Variants in TXNDC2 observed in about 807,000 individuals in gnomAD.
TXNDC2 encodes the protein thioredoxin domain-containing protein 2.
TXNDC2 carries 1 observed loss-of-function variant against 0.4 expected under a neutral mutation model. That is an observed-to-expected ratio of 2.30 (90% CI 0.82 to 10.89). The LOEUF (loss-of-function observed/expected upper bound fraction) is 10.89, where lower values mean the gene tolerates loss of function less well. Ranked by LOEUF, TXNDC2 falls within the 30% of genes most tolerant of loss-of-function variation. The probability of loss-of-function intolerance (pLI) is 0.12; values close to 1 mark genes in which losing one functional copy is unlikely to be tolerated. For missense variants in TXNDC2, 509 were observed against 579.8 expected (o/e 0.88, Z 1.25); for synonymous variants, 183 against 224.6 (o/e 0.81, Z 1.66).
chr18:9,886,303 G>C (rs376211706), intron 1 of TXNDC2: 115 of 1,607,076 alleles, frequency 7.2e-5, no homozygotes, highest in Non-Finnish European at 9.6e-5. Context: ...GGAGGAAAGA[G>C]GGTTGCCTTA....
chr18:9,886,283 G>A, intron 1 of TXNDC2: 2 of 1,612,902 alleles, frequency 1.2e-6, no homozygotes, highest in Non-Finnish European at 1.7e-6. Flanking sequence ...TGATGCTAAT[G>A]GTAAGTAGGG....
At position 9,887,139 on chromosome 18, in the gene TXNDC2, G is replaced by C; in HGVS notation, c.459G>C (p.Lys153Asn). The change falls in exon 2 of 2, where the codon AAG becomes AAC. Residue 153 changes from lysine (K) to asparagine (N), a missense_variant. Physicochemically the swap from Lys to Asn is moderately conservative, Grantham distance 94. Transcript: ENST00000357775. ...PKSSAKPIQP[K>N]LGNIAKTSVK... ...CCTCAGCAAAACCCATCCAGCCCAA[G>C]CTGGGCAATATTGCCAAGACCTCAG... 1.3e-6 allele frequency: 2 copies of C among 1,585,478 alleles called. No individual in the cohort carries two copies. Among genetic ancestry groups the C allele is most frequent in the Non-Finnish European group, 1.7e-6 (2 of 1,159,676 alleles).
chr18:9,886,007 G>GC lies in TXNDC2; in HGVS notation c.-164dup, dbSNP rs2068946333. ...GTAGTCCCAGCCTCAGCACAGGGGA[G>GC]CCACCTTGAAGCTCTCAAATATCAC... On this transcript the variant is annotated 5_prime_UTR_variant, in exon 1 of 2. An upstream open reading frame in the 5' UTR loses its in-frame stop. Transcript: ENST00000357775. 6.8e-6 allele frequency: 4 copies of GC among 585,328 alleles called. No individual in the cohort carries two copies. The highest frequency in any genetic ancestry group is 6.0e-5 in the Admixed American group (2 of 33,064). The allele number at this position is 585,328 out of a possible 1,614,324, so 36.3% of individuals were successfully genotyped here.
chr18:9,886,060 A>C lies in TXNDC2; in HGVS notation c.-113A>C, dbSNP rs2068946512. 2.5e-6 allele frequency: 2 copies of C among 811,438 alleles called. No homozygotes were observed. The highest frequency in any genetic ancestry group is 5.2e-5 in the East Asian group (2 of 38,400). 50.3% of individuals were successfully genotyped at this position (811,438 alleles called of 1,614,324 possible). On this transcript the variant is annotated 5_prime_UTR_variant, in exon 1 of 2. Transcript: ENST00000357775. ...TTGTGAATACAGAGAGGGAAAACCA[A>C]CTGTAACGTGCCACCCAAATGTAAG... is the stretch of plus-strand genomic sequence containing the variant.
chr18:9,888,182 A>C lies in TXNDC2; in HGVS notation c.*41A>C. 1 of 1,471,616 alleles carries C rather than the reference A, an allele frequency of 6.8e-7. No homozygotes were observed. The highest frequency in any genetic ancestry group is 9.2e-7 in the Non-Finnish European group (1 of 1,089,106). The allele number at this position is 1,471,616 out of a possible 1,614,324, so 91.2% of individuals were successfully genotyped here. On this transcript the variant is annotated 3_prime_UTR_variant, in exon 2 of 2. Coordinates refer to ENST00000357775, the MANE Select transcript of TXNDC2 (RefSeq NM_032243.6). ...ACATTGCAGACAGTCAGGTGTTTATAGCTTTTGAGTTCTCTTTTATTATTT... is the reference window on the plus strand; with the variant it reads ...ACATTGCAGACAGTCAGGTGTTTATCGCTTTTGAGTTCTCTTTTATTATTT...
rs777137819 is a variant in TXNDC2, at chr18:9,887,238, C to T, written c.558C>T (p.Asp186=). 5 of 1,588,484 alleles carry T rather than the reference C, an allele frequency of 3.1e-6. No homozygotes were observed. The Admixed American group carries it at 8.7e-5, about 28-fold the overall frequency. The change falls in exon 2 of 2, where the codon GAC becomes GAT. Residue 186 remains aspartate (D), a synonymous_variant. Coordinates refer to ENST00000357775, the MANE Select transcript of TXNDC2 (RefSeq NM_032243.6). ...AAACCATCCAGCCCAAGGAGGGTGACATCCCCAAGTCCTCAGCAAAGCCCA... is the reference window on the plus strand; with the variant it reads ...AAACCATCCAGCCCAAGGAGGGTGATATCCCCAAGTCCTCAGCAAAGCCCA... ...PEETIQPKEG[D]IPKSSAKPIQ... is the part of the protein sequence containing the mutation.
Position 9,886,763 on chromosome 18 carries a change from A to G in TXNDC2, c.83A>G (p.Asn28Ser). 1.2e-6 allele frequency: 2 copies of G among 1,614,116 alleles called. No homozygotes were observed. Among genetic ancestry groups the G allele is most frequent in the East Asian group, 2.2e-5 (1 of 44,880 alleles). ...GATGACCTACCCAAGTCCTCAGCAA[A>G]CACCAGCCATCCCAAGCAGGATGAC... ...EGDDLPKSSA[N>S]TSHPKQDDSP... The change falls in exon 2 of 2, where the codon AAC becomes AGC. Residue 28 changes from asparagine (N) to serine (S), a missense_variant. Coordinates refer to ENST00000357775, the MANE Select transcript of TXNDC2 (RefSeq NM_032243.6).
At position 9,886,776 on chromosome 18, in the gene TXNDC2, C is replaced by T. The variant is rs763875852; in HGVS notation, c.96C>T (p.Pro32=). Residue 32 remains proline, a synonymous_variant, in exon 2 of 2, where the codon CCC becomes CCT. Coordinates refer to ENST00000357775, the MANE Select transcript of TXNDC2 (RefSeq NM_032243.6). ...AGTCCTCAGCAAACACCAGCCATCC[C>T]AAGCAGGATGACAGCCCCAAGTCCT... ...LPKSSANTSH[P]KQDDSPKSSE... is the part of the protein sequence containing the mutation. The T allele has an allele frequency of 6.2e-7, 1 of 1,614,122 alleles. No homozygotes were observed. The highest frequency in any genetic ancestry group is 1.7e-5 in the Admixed American group (1 of 60,014).
chr18:9,887,773 G>C lies in TXNDC2; in HGVS notation c.1093G>C (p.Gly365Arg). The C allele has an allele frequency of 6.2e-7, 1 of 1,613,704 alleles. No individual in the cohort carries two copies. Among genetic ancestry groups the C allele is most frequent in the South Asian group, 1.1e-5 (1 of 91,084 alleles). Residue 365 changes from glycine (G) to arginine (R), a missense_variant, in exon 2 of 2, where the codon GGT (glycine) becomes CGT (arginine). By Grantham distance (125) the Gly-to-Arg change is moderately radical (BLOSUM62 -2). Transcript: ENST00000357775. The stretch of plus-strand genomic sequence containing the variant: ...AGAAGAAGCCACCCCATCCAAGGAG[G>C]GTGACATCCTAAAGCCTGAAGAAGA... ...SLEEATPSKEGDILKPEEETM... is the reference protein window; with the variant it reads ...SLEEATPSKERDILKPEEETM...
Position 9,887,548 on chromosome 18 carries a change from G to A in TXNDC2, c.868G>A (p.Gly290Ser), listed in dbSNP as rs559848127. 3.8e-6 allele frequency: 6 copies of A among 1,588,966 alleles called. No individual in the cohort carries two copies. The East Asian group carries it at 9.5e-5, about 25-fold the overall frequency. Reference sequence around the variant, plus strand: ...AGAAGAAACCATCCAGCCCAAGAAGGGTGACATCCCCAAGTCCCCAGAAGA... The same window carrying A: ...AGAAGAAACCATCCAGCCCAAGAAGAGTGACATCCCCAAGTCCCCAGAAGA... ...SPEETIQPKK[G>S]DIPKSPEEAI... is the part of the protein sequence containing the mutation. Residue 290 changes from glycine to serine, a missense_variant, in exon 2 of 2, where the codon GGT (glycine) becomes AGT (serine). Physicochemically the swap from Gly to Ser is moderately conservative, Grantham distance 56. This residue lies in a region of TXNDC2 where 229 missense variants were observed against 243.8 expected (regional missense o/e 0.94). Coordinates refer to ENST00000357775, the MANE Select transcript of TXNDC2 (RefSeq NM_032243.6).
At chr18:9,886,190 G>A in intron 1 of TXNDC2, 110 bp downstream of exon 1, 1 of 1,614,044 alleles carries the variant, frequency 6.2e-7, no homozygotes, top group Middle Eastern at 1.6e-4. Flanking sequence ...TGTAGACAAG[G>A]AACTAGGAAT....
chr18:9,888,096 C>A lies in TXNDC2; in HGVS notation c.1416C>A (p.Gly472=). 1 of 1,613,712 alleles carries A rather than the reference C, an allele frequency of 6.2e-7. No individual in the cohort carries two copies. The highest frequency in any genetic ancestry group is 8.5e-7 in the Non-Finnish European group (1 of 1,179,800). Residue 472 remains glycine, a synonymous_variant, in exon 2 of 2, where the codon GGC becomes GGA. Coordinates refer to ENST00000357775, the MANE Select transcript of TXNDC2 (RefSeq NM_032243.6). The stretch of plus-strand genomic sequence containing the variant: ...AAGAAAAGGTGGATGAACTTTGCGG[C>A]GCCCTTAAGGAAAAACTTGAAGCAG... ...KKEEKVDELC[G]ALKEKLEAVI...
intron 1 of TXNDC2, 178 bp downstream of exon 1, chr18:9,886,258 A>G: frequency 6.2e-7 from 1 of 1,614,050 alleles, no homozygotes; most frequent in South Asian, 1.1e-5. Flanking sequence ...GCACTCAGGA[A>G]GAAACAAGTG....
chr18:9,887,834 T>C lies in TXNDC2; in HGVS notation c.1154T>C (p.Val385Ala). ...TTCCCGGAGGGGGACAAGGTGAAAG[T>C]GATCCTGAGCAAGGAGGACTTTGAG... ...MEFPEGDKVK[V>A]ILSKEDFEAS... is the part of the protein sequence containing the mutation. The change falls in exon 2 of 2, where the codon GTG becomes GCG. Residue 385 changes from valine (V) to alanine (A), a missense_variant. Around this residue, in one of 5 missense-constraint regions of TXNDC2, gnomAD observed 229 missense variants for 243.8 expected, o/e 0.94. Transcript: ENST00000357775. 6.2e-7 allele frequency: 1 copy of C among 1,610,314 alleles called. No homozygotes were observed. The highest frequency in any genetic ancestry group is 8.5e-7 in the Non-Finnish European group (1 of 1,177,786).
At position 9,888,989 on chromosome 18, in the gene TXNDC2, AG is replaced by A. The variant is rs1441098580; in HGVS notation, c.*849del. The A allele has an allele frequency of 6.6e-6, 1 of 152,212 alleles. No individual in the cohort carries two copies. Among genetic ancestry groups the A allele is most frequent in the African/African-American group, 2.4e-5 (1 of 41,444 alleles). 9.4% of individuals were successfully genotyped at this position (152,212 alleles called of 1,614,324 possible). On this transcript the variant is annotated 3_prime_UTR_variant, in exon 2 of 2. Transcript: ENST00000357775. Reference sequence around the variant, plus strand: ...TCTACCAGCTTAGACATATAGGCCTAGACTTTAATGAATTAACCTAATCACA... The same window carrying A: ...TCTACCAGCTTAGACATATAGGCCTAACTTTAATGAATTAACCTAATCACA...
rs374220870 is a variant in TXNDC2, at chr18:9,888,038, T to C, written c.1358T>C (p.Met453Thr). Residue 453 changes from methionine to threonine, a missense_variant, in exon 2 of 2, where the codon ATG (methionine) becomes ACG (threonine). Physicochemically the swap from Met to Thr is moderately conservative, Grantham distance 81 (BLOSUM62 -1). Transcript: ENST00000357775. ...CEEVVRECAI[M>T]CVPTFQFYKK... is the part of the protein sequence containing the mutation. The stretch of plus-strand genomic sequence containing the variant: ...GAGGTGGTGAGAGAGTGCGCCATCA[T>C]GTGTGTCCCAACCTTTCAGTTTTAT... The C allele has an allele frequency of 3.1e-6, 5 of 1,614,164 alleles. No homozygotes were observed. The highest frequency in any genetic ancestry group is 3.4e-6 in the Non-Finnish European group (4 of 1,180,004).
In TXNDC2 at chr18:9,886,074, C is replaced by A; in HGVS notation, c.-99C>A. ...AGGGAAAACCAACTGTAACGTGCCA[C>A]CCAAATGTAAGTTTTACTCATATTT... On this transcript the variant is annotated 5_prime_UTR_variant, in exon 1 of 2. Coordinates refer to ENST00000357775, the MANE Select transcript of TXNDC2 (RefSeq NM_032243.6). The A allele has an allele frequency of 1.1e-6, 1 of 935,980 alleles. No individual in the cohort carries two copies. The highest frequency in any genetic ancestry group is 1.7e-6 in the Non-Finnish European group (1 of 604,724). 58.0% of individuals were successfully genotyped at this position (935,980 alleles called of 1,614,324 possible).
rs778254655 is a variant in TXNDC2, at chr18:9,888,093, C to A, written c.1413C>A (p.Cys471Ter). 1.2e-6 allele frequency: 2 copies of A among 1,613,778 alleles called. No homozygotes were observed. The highest frequency in any genetic ancestry group is 8.5e-7 in the Non-Finnish European group (1 of 1,179,848). ...AAGAAGAAAAGGTGGATGAACTTTGCGGCGCCCTTAAGGAAAAACTTGAAG... is the reference window on the plus strand; with the variant it reads ...AAGAAGAAAAGGTGGATGAACTTTGAGGCGCCCTTAAGGAAAAACTTGAAG... ...YKKEEKVDEL[C>*]GALKEKLEAV... The change falls in exon 2 of 2, where the codon TGC becomes TGA. Residue 471 changes from cysteine to a stop codon, truncating the protein, a stop_gained. Transcript: ENST00000357775. LOFTEE classifies it high-confidence loss of function.
rs2068977890 is a variant in TXNDC2, at chr18:9,888,911, T to A, written c.*770T>A. ...TACCTAGACCTTCCTCTGACTTTTT[T>A]ACTTAAATTTGTTCTTATTTTCAAT... On this transcript the variant is annotated 3_prime_UTR_variant, in exon 2 of 2. Coordinates refer to ENST00000357775, the MANE Select transcript of TXNDC2 (RefSeq NM_032243.6). The A allele has an allele frequency of 1.3e-5, 2 of 152,212 alleles. No individual in the cohort carries two copies. Among genetic ancestry groups the A allele is most frequent in the Admixed American group, 6.5e-5 (1 of 15,284 alleles). 9.4% of individuals were successfully genotyped at this position (152,212 alleles called of 1,614,324 possible). A position where few individuals can be genotyped will look rare whatever the true frequency, so the allele number is the denominator to read the frequency against.
Sources: gnomAD v4.1 joint callset for allele counts on GRCh38, gnomAD v4.1.1 for gene constraint, gnomAD v4.1.1 regional missense constraint, MANE v1.5 for transcripts, NCBI Gene and HGNC (gene_info 2026-07-23, HGNC 2026-07-21) for gene names.